Variants in NAALADL2 observed in about 807,000 individuals in gnomAD.
NAALADL2 encodes the protein N-acetylated alpha-linked acidic dipeptidase like 2.
Under a neutral mutation model 87.2 loss-of-function variants are expected in NAALADL2, and 76 were observed. The ratio of observed to expected loss-of-function variants is 0.87; its 90% CI spans 0.72 to 1.05. The LOEUF is 1.05. NAALADL2 is among the 50% of genes least tolerant of loss of function. The pLI is 0.00. For missense variants in NAALADL2, 1,089 were observed against 945.8 expected (o/e 1.15, Z -1.99); for synonymous variants, 354 against 331.0 (o/e 1.07, Z -0.75).
At chr3:174,728,839 G>A (rs1732441385) in intron 2 of NAALADL2, among the ~76,000 whole-genome samples, 2 of 152,004 alleles carry the variant, frequency 1.3e-5, no homozygotes, top group Non-Finnish European at 2.9e-5. Context: ...TACATTTATG[G>A]ACAGACAGCT....
rs1763382060 is a variant in NAALADL2, at chr3:175,348,361, A to G, written c.1090+24036A>G. 2.0e-5 allele frequency among the ~76,000 whole-genome samples: 3 copies of G among 152,202 alleles called. No homozygotes were observed. The South Asian group carries it at 6.2e-4, about 31-fold the overall frequency. ...ATAAAATACATTTTCTTACTTAGTA[A>G]TGTTCCTAATTTAAAGAATACTTGT... On this transcript the variant is annotated intron_variant, in intron 5 of 13. Transcript: ENST00000454872.
intron 1 of NAALADL2, among the ~76,000 whole-genome samples, chr3:174,935,571 T>G (rs1015371497): frequency 7.2e-5 from 11 of 152,162 alleles, no homozygotes; most frequent in African/African-American, 1.2e-4. Context: ...AATTTAACTT[T>G]TGTGGTTTAT....
At chr3:174,731,963 C>G (rs1374472046) in intron 2 of NAALADL2, among the ~76,000 whole-genome samples, 1 of 152,078 alleles carries the variant, frequency 6.6e-6, no homozygotes, top group Non-Finnish European at 1.5e-5. Context: ...ATTGTTATAG[C>G]AGGAAAGCCA....
intron 2 of NAALADL2, among the ~76,000 whole-genome samples, chr3:174,625,057 C>CTTTTTTTTT (rs1553802468): frequency 5.1e-5 from 4 of 78,840 alleles, no homozygotes; most frequent in African/African-American, 2.0e-4. Flanking sequence ...CTCTCTCTCT[C>CTTTTTTTTT]TTTTTTTTTT....
intron 13 of NAALADL2, among the ~76,000 whole-genome samples, chr3:175,788,945 G>T (rs947817318): frequency 6.6e-6 from 1 of 152,102 alleles, no homozygotes; most frequent in Non-Finnish European, 1.5e-5. Flanking sequence ...TCTTTCTGAG[G>T]AAGGGAAGAT....
chr3:175,778,482 G>A (rs1750569000), intron 13 of NAALADL2, among the ~76,000 whole-genome samples: 1 of 152,188 alleles, frequency 6.6e-6, no homozygotes, highest in Non-Finnish European at 1.5e-5. Flanking sequence ...GGCAGGAGAT[G>A]TCATCTGATG....
At chr3:174,695,490 CA>C (rs1313150673) in intron 2 of NAALADL2, among the ~76,000 whole-genome samples, 2 of 151,846 alleles carry the variant, frequency 1.3e-5, no homozygotes, top group Non-Finnish European at 2.9e-5. Context: ...CAATATGACA[CA>C]AAACACTAAT....
rs74742746 is a variant in NAALADL2 at position 175,605,980 on chromosome 3, A to G, written c.1801-21311A>G. Among the ~76,000 whole-genome samples, 10 of 152,254 alleles carry G rather than the reference A, an allele frequency of 6.6e-5. No homozygotes were observed. In the East Asian group the frequency reaches 1.9e-3, roughly 29 times the overall value. Reference sequence around the variant, plus strand: ...AATATTTGTCACAAGACTGGTGAGGAAGAGAATCTATGACGACATTCTTCA... The same window carrying G: ...AATATTTGTCACAAGACTGGTGAGGGAGAGAATCTATGACGACATTCTTCA... On this transcript the variant is annotated intron_variant, in intron 10 of 13. Transcript: ENST00000454872.
In NAALADL2 at chr3:175,463,403, AT is replaced by A; in HGVS notation, c.1238del (p.Ile413LysfsTer14). ...CSSLELPNNE[I>X]RVVSMQVQTV... ...TCTTTAAATTTTTATTTTTTCAGAAATAAGAGTCGTCAGCATGCAAGTTCAG... is the reference window on the plus strand; with the variant it reads ...TCTTTAAATTTTTATTTTTTCAGAAAAAGAGTCGTCAGCATGCAAGTTCAG... On this transcript the variant is annotated frameshift_variant, in exon 7 of 14. Transcript: ENST00000454872. LOFTEE classifies it high-confidence loss of function. 6.4e-7 allele frequency: 1 copy of A among 1,564,034 alleles called. No individual in the cohort carries two copies. Among genetic ancestry groups the A allele is most frequent in the South Asian group, 1.2e-5 (1 of 81,430 alleles).
chr3:175,706,711 C>A (rs1172551621), intron 11 of NAALADL2, among the ~76,000 whole-genome samples: 2 of 152,108 alleles, frequency 1.3e-5, no homozygotes, highest in Non-Finnish European at 2.9e-5. Context: ...GATACATTAG[C>A]AGAAGAGGGT....
At chr3:174,698,962 T>C (rs1025792479) in intron 2 of NAALADL2, among the ~76,000 whole-genome samples, 1 of 139,244 alleles carries the variant, frequency 7.2e-6, no homozygotes, top group East Asian at 2.5e-4. Flanking sequence ...TGTGTGTGTG[T>C]GCGTGTATAT....
chr3:175,346,340 C>A (rs1159941669), intron 5 of NAALADL2, among the ~76,000 whole-genome samples: 13 of 151,874 alleles, frequency 8.6e-5, no homozygotes, highest in Non-Finnish European at 1.9e-4. Flanking sequence ...AACACAAATG[C>A]ATGTACAAAT....
At chr3:174,509,709 A>C (rs1719474054) in intron 1 of NAALADL2, among the ~76,000 whole-genome samples, 1 of 149,838 alleles carries the variant, frequency 6.7e-6, no homozygotes, top group African/African-American at 2.5e-5. Context: ...TACAGGCGTG[A>C]GCCACCGAGC....
At chr3:175,021,153 G>T (rs768545403) in intron 1 of NAALADL2, among the ~76,000 whole-genome samples, 4 of 151,996 alleles carry the variant, frequency 2.6e-5, no homozygotes, top group African/African-American at 9.7e-5. Flanking sequence ...AGAGGAAAAA[G>T]TTGTGAAGGT....
At chr3:174,551,195 T>C (rs1471831076) in intron 2 of NAALADL2, 2 of 152,104 alleles carry the variant, frequency 1.3e-5, no homozygotes. Flanking sequence ...AGTCTAAATT[T>C]TTTCACTCTG....
intron 5 of NAALADL2, among the ~76,000 whole-genome samples, chr3:175,356,692 T>C (rs953508017): frequency 6.6e-6 from 1 of 151,826 alleles, no homozygotes; most frequent in Non-Finnish European, 1.5e-5. Context: ...AGAGTTCTAA[T>C]TGATGTTATA....
chr3:175,697,411 A>G (rs977548148), intron 11 of NAALADL2, among the ~76,000 whole-genome samples: 1 of 151,282 alleles, frequency 6.6e-6, no homozygotes, highest in Non-Finnish European at 1.5e-5. Flanking sequence ...ACACACACAC[A>G]CACACACACA....
intron 1 of NAALADL2, among the ~76,000 whole-genome samples, chr3:174,883,369 A>T (rs1334494141): frequency 6.6e-6 from 1 of 152,150 alleles, no homozygotes; most frequent in Non-Finnish European, 1.5e-5. Context: ...TCTTGAGATC[A>T]TTCATAATCT....
intron 2 of NAALADL2, among the ~76,000 whole-genome samples, chr3:174,735,502 T>C (rs1288356426): frequency 6.6e-6 from 1 of 152,196 alleles, no homozygotes; most frequent in African/African-American, 2.4e-5. Context: ...TTAATCCTTT[T>C]TTCCCAAAGA....
Sources: allele counts gnomAD v4.1 joint callset (sites outside exome capture counted in the v4.1 genomes callset), GRCh38; gene constraint gnomAD v4.1.1; transcripts MANE v1.5; gene names NCBI Gene and HGNC (gene_info 2026-07-23, HGNC 2026-07-21).